RBM19: variants seen among roughly 807,000 people sequenced by gnomAD.
The protein encoded by RBM19 is RNA binding motif protein 19.
A neutral mutation model predicts 116.8 loss-of-function variants in RBM19; 94 were observed. That is an observed-to-expected ratio of 0.80 (90% CI 0.68 to 0.95). The LOEUF is 0.95. Among genes scored for constraint, RBM19 ranks in the 40% least tolerant of loss-of-function variants. The probability of loss-of-function intolerance (pLI) is 0.00; values close to 1 mark genes in which losing one functional copy is unlikely to be tolerated. For synonymous variants in RBM19, 475 were observed against 494.1 expected, an observed-to-expected ratio of 0.96 and a Z score of 0.51; for missense variants, 1,161 against 1,220.7, an observed-to-expected ratio of 0.95 and a Z score of 0.73.
At chr12:113,848,410 G>A (rs925055819) in intron 22 of RBM19, among the ~76,000 whole-genome samples, 7 of 152,194 alleles carry the variant, frequency 4.6e-5, no homozygotes, top group African/African-American at 1.4e-4. Context: ...GCTGGAATGT[G>A]GTGGCCTCAA....
At chr12:113,933,273 C>T (rs141922744) in intron 16 of RBM19, among the ~76,000 whole-genome samples, 3 of 151,486 alleles carry the variant, frequency 2.0e-5, no homozygotes, top group African/African-American at 4.9e-5. Flanking sequence ...CTGGCTGAGT[C>T]CCCCCAGCCC....
rs375004361 is a variant in RBM19, at chr12:113,959,930, G to C, written c.340-27C>G. The C allele has an allele frequency of 2.4e-5, 38 of 1,614,134 alleles. No individual in the cohort carries two copies. The South Asian group carries it at 3.2e-4, about 14-fold the overall frequency. On this transcript the variant is annotated intron_variant, in intron 3 of 23. Coordinates refer to ENST00000261741, the MANE Select transcript of RBM19 (RefSeq NM_016196.4). ...TGAAAACAGAAGGCACAGAGAGTGA[G>C]GGTCACACAGATGAAGAGAGCTGGG... is the stretch of plus-strand genomic sequence containing the variant.
intron 23 of RBM19, among the ~76,000 whole-genome samples, chr12:113,842,134 G>A (rs1301688195): frequency 6.6e-6 from 1 of 152,236 alleles, no homozygotes; most frequent in Non-Finnish European, 1.5e-5. Flanking sequence ...GTAAGTGGCT[G>A]TGGAGACAGT....
chr12:113,947,508 T>C (rs749037743), intron 10 of RBM19, 44 bp from the exon 11 acceptor site: 5 of 1,553,508 alleles, frequency 3.2e-6, no homozygotes, highest in Non-Finnish European at 2.6e-6. Context: ...CCGCAGCCAC[T>C]TGGCCCCAGG....
rs1555242499 is a variant in RBM19 at position 113,928,661 on chromosome 12, G to GTGTGTGTGTGTGTGTGTGTC, written c.2069-1433_2069-1432insGACACACACACACACACACA. Among the ~76,000 whole-genome samples the GTGTGTGTGTGTGTGTGTGTC allele has an allele frequency of 8.0e-5, 12 of 149,516 alleles. No individual in the cohort carries two copies. In the East Asian group the frequency reaches 1.5e-3, roughly 18 times the overall value. On this transcript the variant is annotated intron_variant, in intron 16 of 23. Transcript: ENST00000261741. The stretch of plus-strand genomic sequence containing the variant: ...TGTGTGTGTGTGTGTGTGTGTGTGT[G>GTGTGTGTGTGTGTGTGTGTC]TCTGCAGCTCAGGGAGTTGGGAACA...
chr12:113,910,169 T>G (rs772507514), intron 21 of RBM19, among the ~76,000 whole-genome samples: 3 of 152,126 alleles, frequency 2.0e-5, no homozygotes, highest in Non-Finnish European at 4.4e-5. Flanking sequence ...ATCATGACAG[T>G]GACAGACATG....
chr12:113,920,105 C>T (rs1303878740), intron 19 of RBM19, among the ~76,000 whole-genome samples: 1 of 152,180 alleles, frequency 6.6e-6, no homozygotes, highest in East Asian at 1.9e-4. Context: ...AGACCCTCTG[C>T]ACATGGTCCC....
downstream of RBM19, chr12:113,817,169 G>A (rs1231105172): frequency 6.6e-6 from 1 of 152,268 alleles, no homozygotes; most frequent in East Asian, 1.9e-4. Context: ...AGGAGAGGAG[G>A]AAAAACAAGC....
chr12:113,865,816 C>T (rs1157419219), intron 21 of RBM19, among the ~76,000 whole-genome samples: 1 of 149,830 alleles, frequency 6.7e-6, no homozygotes, highest in African/African-American at 2.5e-5. Flanking sequence ...GGCAATGAAT[C>T]ATCACAGCAA....
intron 20 of RBM19, among the ~76,000 whole-genome samples, chr12:113,916,092 T>A (rs1380305215): frequency 2.0e-5 from 3 of 152,210 alleles, no homozygotes; most frequent in Non-Finnish European, 4.4e-5. Flanking sequence ...CAGCCACATG[T>A]GGCTAGTTGA....
intron 22 of RBM19, among the ~76,000 whole-genome samples, chr12:113,850,974 T>TC (rs1234471922): frequency 6.6e-6 from 1 of 152,162 alleles, no homozygotes; most frequent in African/African-American, 2.4e-5. Flanking sequence ...AGGGTCTGCC[T>TC]CCCTGGGGTG....
At position 113,948,912 on chromosome 12, in the gene RBM19, G is replaced by A. The variant is rs754101963; in HGVS notation, c.1197C>T (p.Ala399=). Residue 399 remains alanine (A), a synonymous_variant, in exon 10 of 24, where the codon GCC becomes GCT. Transcript: ENST00000261741. ...LGENEEEEDL[A]ESGRLFVRNL... ...TCCGTACAAAGAGCCTTCCGGATTC[G>A]GCCAGGTCCTCCTCCTCTTCGTTCT... is the stretch of plus-strand genomic sequence containing the variant. 32 of 1,614,162 alleles carry A rather than the reference G, an allele frequency of 2.0e-5. No individual in the cohort carries two copies. The highest frequency in any genetic ancestry group is 1.1e-4 in the East Asian group (5 of 44,872).
chr12:113,940,838 C>G (rs934720017), intron 14 of RBM19, among the ~76,000 whole-genome samples: 3 of 152,208 alleles, frequency 2.0e-5, no homozygotes, highest in African/African-American at 7.2e-5. Flanking sequence ...AGCTATTCAG[C>G]CTTGAGAAAT....
intron 22 of RBM19, among the ~76,000 whole-genome samples, chr12:113,857,857 A>G (rs549870932): frequency 1.4e-4 from 21 of 152,194 alleles, no homozygotes; most frequent in Admixed American, 3.3e-4. Flanking sequence ...CTAAAGCCCA[A>G]TGGCTGTGAC....
At chr12:113,834,775 C>T (rs1181599750) in intron 23 of RBM19, among the ~76,000 whole-genome samples, 1 of 152,148 alleles carries the variant, frequency 6.6e-6, no homozygotes, top group Admixed American at 6.5e-5. Flanking sequence ...ACATTAACTA[C>T]AGTTCTGCAG....
At chr12:113,899,105 T>C (rs1740463814) in intron 21 of RBM19, among the ~76,000 whole-genome samples, 1 of 152,262 alleles carries the variant, frequency 6.6e-6, no homozygotes, top group African/African-American at 2.4e-5. Context: ...TGAGAAACAC[T>C]GTGATGGCCC....
intron 23 of RBM19, among the ~76,000 whole-genome samples, chr12:113,833,366 C>T (rs1259094672): frequency 1.3e-5 from 2 of 151,674 alleles, no homozygotes; most frequent in African/African-American, 4.8e-5. Flanking sequence ...GGACCTCTGC[C>T]CTCCATTCTT....
intron 16 of RBM19, among the ~76,000 whole-genome samples, chr12:113,936,263 C>T (rs1870053326): frequency 6.6e-6 from 1 of 152,170 alleles, no homozygotes; most frequent in South Asian, 2.1e-4. Flanking sequence ...AAAATCGTAA[C>T]ATCTGGATAG....
Position 113,927,218 on chromosome 12 carries a change from C to T in RBM19, c.2080G>A (p.Glu694Lys), listed in dbSNP as rs538558405. The T allele has an allele frequency of 2.9e-5, 45 of 1,559,288 alleles. No homozygotes were observed. The highest frequency in any genetic ancestry group is 2.0e-4 in the South Asian group (17 of 84,894). ...GTTGGATTTTCATCTTCTGGGGTTT[C>T]GCCATCAGGCACTGAACCCCCATCA... is the stretch of plus-strand genomic sequence containing the variant. ...PAEPETVPDG[E>K]TPEDENPTEE... Residue 694 changes from glutamate (E) to lysine (K), a missense_variant, in exon 17 of 24, where the codon GAA becomes AAA. Transcript: ENST00000261741.
Sources: gnomAD v4.1 joint callset for allele counts (sites outside exome capture counted in the v4.1 genomes callset) on GRCh38, gnomAD v4.1.1 for gene constraint, MANE v1.5 for transcripts, NCBI Gene and HGNC (gene_info 2026-07-23, HGNC 2026-07-21) for gene names.